The following USH2A variants were observed in gnomAD, a reference collection of about 807,000 sequenced individuals.
The protein encoded by USH2A is Usher syndrome 2A (autosomal recessive, mild).
USH2A carries 443 observed loss-of-function variants against 538.9 expected under a neutral mutation model. That is an observed-to-expected ratio of 0.82 (90% CI 0.76 to 0.89). USH2A has a LOEUF of 0.89. USH2A is among the 40% of genes least tolerant of loss of function. The pLI is 0.00. For missense variants in USH2A, 6,633 were observed against 6,324.8 expected (o/e 1.05, Z -1.65); for synonymous variants, 2,413 against 2,273.5 (o/e 1.06, Z -1.75).
chr1:215,707,562 G>A (rs944980864), intron 61 of USH2A, among the ~76,000 whole-genome samples: 5 of 152,124 alleles, frequency 3.3e-5, no homozygotes, highest in Admixed American at 6.5e-5. Flanking sequence ...AGGAAATGTG[G>A]GGTTCTGTTG....
At chr1:216,021,337 A>G (rs139490225) in intron 32 of USH2A, among the ~76,000 whole-genome samples, 234 of 152,184 alleles carry the variant, frequency 1.5e-3, no homozygotes, top group African/African-American at 5.0e-3. Flanking sequence ...GTGGTAGTGA[A>G]TAAGTCTCAT....
At chr1:215,756,473 A>G (rs1208171015) in intron 58 of USH2A, among the ~76,000 whole-genome samples, 2 of 152,182 alleles carry the variant, frequency 1.3e-5, no homozygotes, top group African/African-American at 4.8e-5. Flanking sequence ...AATTTCCCGT[A>G]TTGCTCTTGG....
rs1571948243 is a variant in USH2A, at chr1:215,674,408, T to C, written c.13503A>G (p.Pro4501=). The change falls in exon 63 of 72, where the codon CCA becomes CCG. Residue 4501 remains proline (P), a synonymous_variant. Transcript: ENST00000307340. ...TTACTGTGTAGCTATACTCCACACC[T>C]GGGGTGAGAGTAAAATCACGATAGC... ...ETRYRDFTLT[P]GVEYSYTVTA... 9 of 1,614,086 alleles carry C rather than the reference T, an allele frequency of 5.6e-6. No homozygotes were observed. The highest frequency in any genetic ancestry group is 7.6e-6 in the Non-Finnish European group (9 of 1,180,012).
chr1:215,632,131 C>T (rs969219759), intron 70 of USH2A, among the ~76,000 whole-genome samples: 2 of 152,088 alleles, frequency 1.3e-5, no homozygotes, highest in African/African-American at 2.4e-5. Flanking sequence ...GGCGTGATCT[C>T]GGTTCACTGC....
At chr1:215,772,319 C>T (rs988305274) in intron 55 of USH2A, among the ~76,000 whole-genome samples, 1 of 152,154 alleles carries the variant, frequency 6.6e-6, no homozygotes, top group African/African-American at 2.4e-5. Context: ...AAACATCATT[C>T]AAGTGCTCAG....
At chr1:216,352,553 A>G (rs548087909) in intron 4 of USH2A, among the ~76,000 whole-genome samples, 4 of 152,156 alleles carry the variant, frequency 2.6e-5, no homozygotes, top group Non-Finnish European at 4.4e-5. Context: ...CCTATGGTTG[A>G]ATATACTTTG....
intron 40 of USH2A, among the ~76,000 whole-genome samples, chr1:215,895,178 ATGTT>A (rs1363612168): frequency 6.6e-6 from 1 of 152,202 alleles, no homozygotes; most frequent in Non-Finnish European, 1.5e-5. Context: ...TACACGGTAA[ATGTT>A]TGCTTGATTG....
At chr1:216,228,766 C>T (rs943202499) in intron 14 of USH2A, among the ~76,000 whole-genome samples, 2 of 152,126 alleles carry the variant, frequency 1.3e-5, no homozygotes, top group Admixed American at 6.5e-5. Flanking sequence ...AAAAGTGCGA[C>T]CATTTCCAAG....
chr1:215,938,103 G>A (rs969418188), intron 37 of USH2A, among the ~76,000 whole-genome samples: 4 of 151,972 alleles, frequency 2.6e-5, no homozygotes, highest in African/African-American at 9.7e-5. Context: ...ATTATAAGAA[G>A]TATATAATTA....
chr1:215,840,762 T>C (rs1244758406), intron 46 of USH2A, among the ~76,000 whole-genome samples: 2 of 152,194 alleles, frequency 1.3e-5, no homozygotes, highest in Non-Finnish European at 2.9e-5. Context: ...ATGAATAAGG[T>C]GCCTTTGAAA....
intron 30 of USH2A, among the ~76,000 whole-genome samples, chr1:216,061,064 C>A (rs1421602151): frequency 6.6e-6 from 1 of 152,156 alleles, no homozygotes; most frequent in Non-Finnish European, 1.5e-5. Flanking sequence ...TTGCTCTGAA[C>A]CTTGGCCTTG....
At chr1:216,165,667 CT>C (rs1572013996) in intron 21 of USH2A, among the ~76,000 whole-genome samples, 1 of 152,222 alleles carries the variant, frequency 6.6e-6, no homozygotes, top group East Asian at 1.9e-4. Flanking sequence ...GGATTTCCCT[CT>C]TTTCTATCAC....
chr1:215,963,553 A>C (rs1667254563), intron 37 of USH2A, among the ~76,000 whole-genome samples: 1 of 152,144 alleles, frequency 6.6e-6, no homozygotes, highest in Non-Finnish European at 1.5e-5. Context: ...TCTCATTTAT[A>C]AGACCAGGTT....
intron 43 of USH2A, among the ~76,000 whole-genome samples, chr1:215,876,881 T>G (rs1350649154): frequency 2.0e-5 from 3 of 152,094 alleles, no homozygotes; most frequent in Non-Finnish European, 4.4e-5. Flanking sequence ...GAGGCCTTGG[T>G]AAGAAAGGGA....
intron 11 of USH2A, among the ~76,000 whole-genome samples, chr1:216,278,306 C>A (rs962515522): frequency 6.6e-6 from 1 of 152,118 alleles, no homozygotes; most frequent in African/African-American, 2.4e-5. Flanking sequence ...TCAGTTACAA[C>A]TCCATCTATT....
Position 216,246,722 on chromosome 1 carries a change from A to T in USH2A, c.2672T>A (p.Ile891Asn), listed in dbSNP as rs555799948. The change falls in exon 13 of 72, where the codon ATT (isoleucine) becomes AAT (asparagine). Residue 891 changes from isoleucine to asparagine, a missense_variant. Coordinates refer to ENST00000307340, the MANE Select transcript of USH2A (RefSeq NM_206933.4). ...QCEPHRYNLTIDNFQHCQMCE... is the reference protein window; with the variant it reads ...QCEPHRYNLTNDNFQHCQMCE... Reference sequence around the variant, plus strand: ...CATCTGGCAGTGTTGAAAATTGTCAATGGTCAAATTGTACCTGTGAGGCTC... The same window carrying T: ...CATCTGGCAGTGTTGAAAATTGTCATTGGTCAAATTGTACCTGTGAGGCTC... The T allele has an allele frequency of 6.8e-6, 11 of 1,614,150 alleles. No individual in the cohort carries two copies. The South Asian group carries it at 1.2e-4, about 18-fold the overall frequency.
At chr1:215,696,386 A>G (rs1484402909) in intron 61 of USH2A, among the ~76,000 whole-genome samples, 5 of 152,176 alleles carry the variant, frequency 3.3e-5, no homozygotes, top group African/African-American at 1.2e-4. Context: ...TCAAGGGTCA[A>G]CTTTACAGGT....
chr1:215,782,643 G>C, intron 53 of USH2A, 95 bp downstream of exon 53: 1 of 1,285,106 alleles, frequency 7.8e-7, no homozygotes, highest in Non-Finnish European at 1.1e-6. Flanking sequence ...CTAGTGGTTA[G>C]ATGCATAGGG....
chr1:216,258,813 A>G (rs1296303516), intron 11 of USH2A, among the ~76,000 whole-genome samples: 1 of 152,118 alleles, frequency 6.6e-6, no homozygotes, highest in Non-Finnish European at 1.5e-5. Context: ...ATGTTCAGTC[A>G]AAGTAAAGTC....
Sources: allele counts gnomAD v4.1 joint callset (sites outside exome capture counted in the v4.1 genomes callset), GRCh38; gene constraint gnomAD v4.1.1; transcripts MANE v1.5; gene names NCBI Gene and HGNC (gene_info 2026-07-23, HGNC 2026-07-21).